The following VWF variants were observed in gnomAD, a reference collection of about 807,000 sequenced individuals.
VWF encodes the protein von Willebrand factor, also known as Factor VIII related antigen.
VWF carries 176 observed loss-of-function variants against 308.6 expected under a neutral mutation model. The ratio of observed to expected loss-of-function variants is 0.57; its 90% CI spans 0.50 to 0.65. The LOEUF is 0.65. Ranked by LOEUF, VWF falls within the 30% of genes least tolerant of loss-of-function variation. The probability of loss-of-function intolerance (pLI) is 0.00; values close to 1 mark genes in which losing one functional copy is unlikely to be tolerated. For synonymous variants in VWF, 1,385 were observed against 1,443.4 expected, an observed-to-expected ratio of 0.96 and a Z score of 0.92; for missense variants, 3,146 against 3,648.2, an observed-to-expected ratio of 0.86 and a Z score of 3.55.
intron 10 of VWF, among the ~76,000 whole-genome samples, 159 bp from the exon 11 acceptor site, chr12:6,065,432 G>A (rs572064154): frequency 1.3e-5 from 2 of 152,316 alleles, no homozygotes; most frequent in South Asian, 4.1e-4. Flanking sequence ...GAGAAAATTC[G>A]GTTCCTGCTC....
Position 5,959,448 on chromosome 12 carries a change from G to A in VWF, c.7888-5854C>T, listed in dbSNP as rs1289126960. Among the ~76,000 whole-genome samples, 4 of 151,984 alleles carry A rather than the reference G, an allele frequency of 2.6e-5. No individual in the cohort carries two copies. In the South Asian group the frequency reaches 8.3e-4, roughly 31 times the overall value. ...AGACAAATGAAGATATAGAGGATTT[G>A]GAAAACTGTAAGAACCAATATGACC... On this transcript the variant is annotated intron_variant, in intron 47 of 51. Coordinates refer to ENST00000261405, the MANE Select transcript of VWF (RefSeq NM_000552.5).
chr12:6,008,251 C>A (rs1591856136), intron 34 of VWF, among the ~76,000 whole-genome samples: 1 of 151,934 alleles, frequency 6.6e-6, no homozygotes, highest in African/African-American at 2.4e-5. Flanking sequence ...TCCTGATGAA[C>A]ACAGATGCAA....
At chr12:6,057,130 T>C in intron 14 of VWF, 58 bp from the exon 15 acceptor site, 1 of 1,449,716 alleles carries the variant, frequency 6.9e-7, no homozygotes, top group Admixed American at 2.0e-5. Flanking sequence ...GGCCACGCCC[T>C]CCCGGTCAAC....
chr12:6,076,911 C>T (rs1944851166), intron 6 of VWF, among the ~76,000 whole-genome samples: 1 of 152,208 alleles, frequency 6.6e-6, no homozygotes, highest in African/African-American at 2.4e-5. Context: ...GAAATCCAGT[C>T]CGGCAGCACA....
intron 34 of VWF, among the ~76,000 whole-genome samples, chr12:6,003,234 T>C (rs745886299): frequency 3.9e-5 from 6 of 152,228 alleles, no homozygotes; most frequent in Non-Finnish European, 8.8e-5. Flanking sequence ...GTTTTCTACA[T>C]GATTTAAGAG....
intron 42 of VWF, among the ~76,000 whole-genome samples, chr12:5,977,591 T>C (rs2136364960): frequency 6.6e-6 from 1 of 152,236 alleles, no homozygotes; most frequent in African/African-American, 2.4e-5. Flanking sequence ...TTATAAAGGC[T>C]GGGCACGGTG....
chr12:5,983,476 G>GATAGATACATAC (rs765691925), intron 40 of VWF, among the ~76,000 whole-genome samples: 28 of 73,368 alleles, frequency 3.8e-4, no homozygotes, highest in East Asian at 7.5e-4. Context: ...TAGATAGATA[G>GATAGATACATAC]ATACATACAT....
At position 6,042,416 on chromosome 12, in the gene VWF, T is replaced by C. The variant is rs544966609; in HGVS notation, c.2442+1875A>G. 2.6e-4 allele frequency among the ~76,000 whole-genome samples: 40 copies of C among 152,288 alleles called. 2 individuals carry two copies. The South Asian group carries it at 7.7e-3, about 29-fold the overall frequency. On this transcript the variant is annotated intron_variant, in intron 18 of 51. Transcript: ENST00000261405. ...CAGGGTGTTTCCAGGCCCAGCTCCA[T>C]TTTCTTTGTGTTATGGCCAAGAACA...
chr12:6,105,733 G>A (rs1271540623), intron 5 of VWF, among the ~76,000 whole-genome samples: 2 of 152,024 alleles, frequency 1.3e-5, no homozygotes, highest in African/African-American at 4.8e-5. Flanking sequence ...TTCTGCCTCT[G>A]GGAATATACT....
chr12:6,114,905 G>A (rs981158959), intron 3 of VWF, among the ~76,000 whole-genome samples: 6 of 152,230 alleles, frequency 3.9e-5, no homozygotes, highest in African/African-American at 1.4e-4. Flanking sequence ...TCTAGGGGCA[G>A]GAGTGGGGCT....
Position 5,969,262 on chromosome 12 carries a change from C to T in VWF, c.7678G>A (p.Gly2560Ser), listed in dbSNP as rs749106300. Reference protein sequence around the residue: ...PQLEVPVCPSGFQLSCKTSAC... With the variant: ...PQLEVPVCPSSFQLSCKTSAC... Reference sequence around the variant, plus strand: ...GAGGTCTTACAGCTCAGCTGAAAGCCCGAGGGGCAGACAGGGACCTCCAGC... The same window carrying T: ...GAGGTCTTACAGCTCAGCTGAAAGCTCGAGGGGCAGACAGGGACCTCCAGC... The change falls in exon 45 of 52, where the codon GGC (glycine) becomes AGC (serine). Residue 2560 changes from glycine (G) to serine (S), a missense_variant. Gly to Ser is a moderately conservative substitution (Grantham distance 56). This residue lies in a region of VWF where 989 missense variants were observed against 1,117.4 expected (regional missense o/e 0.89). Transcript: ENST00000261405. 4 of 1,614,024 alleles carry T rather than the reference C, an allele frequency of 2.5e-6. No individual in the cohort carries two copies. Among genetic ancestry groups the T allele is most frequent in the Admixed American group, 1.7e-5 (1 of 60,010 alleles).
At chr12:6,001,385 A>G (rs1943872002) in intron 34 of VWF, among the ~76,000 whole-genome samples, 1 of 152,208 alleles carries the variant, frequency 6.6e-6, no homozygotes, top group South Asian at 2.1e-4. Context: ...CTATTGCTAT[A>G]TAACTAAAAT....
chr12:5,991,493 C>G (rs577857255), intron 38 of VWF, among the ~76,000 whole-genome samples: 2 of 152,144 alleles, frequency 1.3e-5, no homozygotes, highest in African/African-American at 4.8e-5. Flanking sequence ...ACAAAATATT[C>G]TTTTCCCTTT....
intron 5 of VWF, among the ~76,000 whole-genome samples, chr12:6,103,495 T>C (rs1945204336): frequency 7.4e-6 from 1 of 135,694 alleles, no homozygotes; most frequent in Non-Finnish European, 1.5e-5. Flanking sequence ...TATATGTGTA[T>C]ACACACACGT....
Position 6,023,115 on chromosome 12 carries a change from T to C in VWF, c.3380-217A>G, listed in dbSNP as rs559473989. Among the ~76,000 whole-genome samples the C allele has an allele frequency of 1.7e-3, 254 of 152,192 alleles. 2 individuals are homozygous for C. Among genetic ancestry groups the C allele is most frequent in the African/African-American group, 5.6e-3 (234 of 41,500 alleles). On this transcript the variant is annotated intron_variant, in intron 25 of 51. Transcript: ENST00000261405. ...TTTTTTAATTTTTGTACAGATGGGG[T>C]CTTGCTATGTTGCCCAGGCTGGTCT...
chr12:6,025,548 C>T (rs774555134), intron 24 of VWF, 32 bp downstream of exon 24: 30 of 1,513,006 alleles, frequency 2.0e-5, no homozygotes, highest in Admixed American at 1.2e-4. Context: ...GCCTTGGGAC[C>T]GTCTGCTTCC....
chr12:6,017,378 A>G (rs1230129384), intron 28 of VWF, among the ~76,000 whole-genome samples: 1 of 152,244 alleles, frequency 6.6e-6, no homozygotes. Flanking sequence ...ATTTGATGAA[A>G]TGATGTAATT....
chr12:6,054,688 G>A (rs925040717), intron 15 of VWF, among the ~76,000 whole-genome samples: 5 of 151,928 alleles, frequency 3.3e-5, no homozygotes, highest in South Asian at 2.1e-4. Context: ...TTTGCAAGAG[G>A]AAAAAAAATG....
intron 3 of VWF, among the ~76,000 whole-genome samples, chr12:6,117,930 G>A (rs1463225583): frequency 6.6e-6 from 1 of 152,232 alleles, no homozygotes; most frequent in Non-Finnish European, 1.5e-5. Context: ...CTCTGGCTCT[G>A]TCTGTGCTTC....
Sources: gnomAD v4.1 joint callset for allele counts (sites outside exome capture counted in the v4.1 genomes callset) on GRCh38, gnomAD v4.1.1 for gene constraint, gnomAD v4.1.1 regional missense constraint, MANE v1.5 for transcripts, NCBI Gene and HGNC (gene_info 2026-07-23, HGNC 2026-07-21) for gene names.